The following TUSC3 variants were observed in gnomAD, a reference collection of about 807,000 sequenced individuals.
TUSC3 encodes the protein tumor suppressor candidate 3.
In TUSC3, 45 loss-of-function variants were observed where a neutral mutation model predicts 44.8. The observed-to-expected ratio is 1.00, with a 90% confidence interval of 0.79 to 1.29. The LOEUF is 1.29. TUSC3 is among the 50% of genes most tolerant of loss of function. The pLI is 0.00. For synonymous variants in TUSC3, 212 were observed against 152.9 expected (o/e 1.39, Z -2.85); for missense variants, 519 against 437.9 (o/e 1.19, Z -1.65).
chr8:15,816,822 T>A, the TUSC3 span, among the ~76,000 whole-genome samples: 1 of 152,184 alleles, frequency 6.6e-6, no homozygotes, highest in Admixed American at 6.5e-5. Context: ...TAACTTCCAA[T>A]AACAGTTTAA....
chr8:15,461,492 G>A (rs1030578374), intron 1 of TUSC3, among the ~76,000 whole-genome samples: 1 of 151,990 alleles, frequency 6.6e-6, no homozygotes, highest in Non-Finnish European at 1.5e-5. Context: ...GTGAGGGTTT[G>A]ACTTCCTCTT....
At chr8:15,738,831 T>C (rs931502890) in intron 7 of TUSC3, among the ~76,000 whole-genome samples, 2,233 of 123,634 alleles carry the variant, frequency 0.018, 112 homozygotes, top group African/African-American at 0.066. Context: ...ATCTTGCTTT[T>C]TTTTTTTTTT....
chr8:15,830,548 T>C, the TUSC3 span, among the ~76,000 whole-genome samples: 336 of 152,328 alleles, frequency 2.2e-3, 1 homozygote, highest in African/African-American at 7.6e-3. Flanking sequence ...AAAAATGTGA[T>C]GTGTATATAC....
At chr8:15,466,325 T>G (rs1210150128) in intron 1 of TUSC3, among the ~76,000 whole-genome samples, 1 of 152,152 alleles carries the variant, frequency 6.6e-6, no homozygotes, top group African/African-American at 2.4e-5. Context: ...GAAGCAGTTA[T>G]TTTTTAATTA....
intron 9 of TUSC3, among the ~76,000 whole-genome samples, chr8:15,754,687 C>T (rs1406045133): frequency 2.0e-5 from 3 of 152,092 alleles, no homozygotes; most frequent in South Asian, 2.1e-4. Context: ...TCAGTGTCTT[C>T]GTTTTGCATT....
intron 1 of TUSC3, among the ~76,000 whole-genome samples, chr8:15,586,929 G>T (rs1425566119): frequency 6.6e-6 from 1 of 152,094 alleles, no homozygotes; most frequent in East Asian, 1.9e-4. Context: ...TCTTAATTTT[G>T]TAAAAATAAG....
intron 6 of TUSC3, among the ~76,000 whole-genome samples, chr8:15,683,056 C>T (rs1585225369): frequency 6.6e-6 from 1 of 152,080 alleles, no homozygotes; most frequent in East Asian, 1.9e-4. Flanking sequence ...GGTGATATGA[C>T]CCTTTTCTCT....
the TUSC3 span, among the ~76,000 whole-genome samples, chr8:15,849,916 G>C: frequency 6.6e-6 from 1 of 152,098 alleles, no homozygotes. Context: ...GGAAAATAAA[G>C]ACAAGGGAAG....
intron 6 of TUSC3, among the ~76,000 whole-genome samples, chr8:15,690,966 G>C (rs1349409583): frequency 1.3e-5 from 2 of 151,502 alleles, no homozygotes; most frequent in Non-Finnish European, 2.9e-5. Flanking sequence ...TTTTGCTTAG[G>C]ATTGCCTTGG....
intron 6 of TUSC3, among the ~76,000 whole-genome samples, chr8:15,714,342 G>A (rs1326487258): frequency 1.3e-5 from 2 of 152,016 alleles, no homozygotes; most frequent in African/African-American, 2.4e-5. Context: ...CAATTTTGTT[G>A]AAGTTATTAT....
Position 15,662,178 on chromosome 8 carries a change from A to C in TUSC3, c.590A>C (p.Asn197Thr), listed in dbSNP as rs904681381. The stretch of plus-strand genomic sequence containing the variant: ...CAGATTCGGGTTTTCAGACCACCCA[A>C]CTACTCTGGTACCATTGCTTTGGCC... Reference protein sequence around the residue: ...DVHIRVFRPPNYSGTIALALL... With the variant: ...DVHIRVFRPPTYSGTIALALL... The change falls in exon 5 of 11, where the codon AAC (asparagine) becomes ACC (threonine). Residue 197 changes from asparagine to threonine, a missense_variant. Coordinates refer to ENST00000503731, the MANE Select transcript of TUSC3 (RefSeq NM_006765.4). 1.2e-6 allele frequency: 2 copies of C among 1,612,928 alleles called. No individual in the cohort carries two copies. The highest frequency in any genetic ancestry group is 2.2e-5 in the East Asian group (1 of 44,838).
At chr8:15,753,969 TAAAGA>T (rs772596949) in intron 9 of TUSC3, among the ~76,000 whole-genome samples, 1 of 152,052 alleles carries the variant, frequency 6.6e-6, no homozygotes, top group African/African-American at 2.4e-5. Flanking sequence ...GAGATACTGA[TAAAGA>T]AGAGAAAGAC....
intron 1 of TUSC3, among the ~76,000 whole-genome samples, chr8:15,558,713 C>G (rs1802351201): frequency 8.2e-6 from 1 of 121,332 alleles, no homozygotes; most frequent in South Asian, 2.9e-4. Flanking sequence ...AGAGATTCAA[C>G]TTCTTCCTGG....
chr8:15,819,599 C>T, the TUSC3 span, among the ~76,000 whole-genome samples: 1 of 152,122 alleles, frequency 6.6e-6, no homozygotes, highest in African/African-American at 2.4e-5. Flanking sequence ...CAAATAATCT[C>T]TTGTAATATG....
chr8:15,654,331 C>G (rs574477312), intron 3 of TUSC3, among the ~76,000 whole-genome samples: 4 of 152,106 alleles, frequency 2.6e-5, no homozygotes, highest in Non-Finnish European at 4.4e-5. Flanking sequence ...GAACTGGTAA[C>G]TGTGTGCTTT....
chr8:15,426,157 T>A (rs2129116097), intron 1 of TUSC3, among the ~76,000 whole-genome samples: 1 of 152,354 alleles, frequency 6.6e-6, no homozygotes, highest in South Asian at 2.1e-4. Flanking sequence ...TATGCAAACA[T>A]TTGTTATCCC....
the TUSC3 span, among the ~76,000 whole-genome samples, chr8:15,779,262 C>T: frequency 6.6e-6 from 1 of 152,130 alleles, no homozygotes; most frequent in African/African-American, 2.4e-5. Context: ...TGATTGGGGT[C>T]TCGCTTTGTT....
At chr8:15,454,773 C>G (rs1800235396) in intron 1 of TUSC3, among the ~76,000 whole-genome samples, 1 of 152,098 alleles carries the variant, frequency 6.6e-6, no homozygotes, top group Non-Finnish European at 1.5e-5. Flanking sequence ...AGTGTGGAAG[C>G]TTATATAGTA....
the TUSC3 span, among the ~76,000 whole-genome samples, chr8:15,828,402 G>C: frequency 0.11 from 16,104 of 152,116 alleles, 963 homozygotes; most frequent in East Asian, 0.25. Flanking sequence ...TACTGTCTTA[G>C]TTTCTGTTAC....
Sources: allele counts gnomAD v4.1 joint callset (sites outside exome capture counted in the v4.1 genomes callset), GRCh38; gene constraint gnomAD v4.1.1; transcripts MANE v1.5; gene names NCBI Gene and HGNC (gene_info 2026-07-23, HGNC 2026-07-21).